Variants in CR1L observed in about 807,000 individuals in gnomAD.
The protein encoded by CR1L is complement component receptor 1-like protein.
In CR1L, 59 loss-of-function variants were observed where a neutral mutation model predicts 62.3. The ratio of observed to expected loss-of-function variants is 0.95; its 90% CI spans 0.77 to 1.18. CR1L has a LOEUF of 1.18. Among genes scored for constraint, CR1L ranks in the 50% most tolerant of loss-of-function variants. The pLI is 0.00. For synonymous variants in CR1L, 279 were observed against 248.7 expected (o/e 1.12, Z -1.15); for missense variants, 700 against 702.8 (o/e 1.00, Z 0.04).
At chr1:207,698,531 G>T (rs1664143252) in intron 7 of CR1L, among the ~76,000 whole-genome samples, 2 of 152,174 alleles carry the variant, frequency 1.3e-5, no homozygotes, top group Non-Finnish European at 2.9e-5. Flanking sequence ...GGGCAACAAA[G>T]CACCTGATCC....
intron 1 of CR1L, among the ~76,000 whole-genome samples, chr1:207,647,971 A>G (rs1309646637): frequency 6.6e-6 from 1 of 152,174 alleles, no homozygotes; most frequent in Non-Finnish European, 1.5e-5. Flanking sequence ...CAGCCTGGGC[A>G]TCATAAGGAG....
intron 10 of CR1L, among the ~76,000 whole-genome samples, chr1:207,717,217 A>G (rs1288145735): frequency 6.6e-6 from 1 of 152,164 alleles, no homozygotes; most frequent in Non-Finnish European, 1.5e-5. Context: ...CAAATTCATT[A>G]TGAACGTAGC....
chr1:207,648,224 G>GA lies in CR1L; in HGVS notation c.97+2908dup, dbSNP rs765424533. On this transcript the variant is annotated intron_variant, in intron 1 of 11. Transcript: ENST00000508064. ...ACACACAGACACACACACACACACA[G>GA]AAAAAAAAAAAAAACCTGGAAGTTG... Among the ~76,000 whole-genome samples, 161 of 100,808 alleles carry GA rather than the reference G, an allele frequency of 1.6e-3. 1 individual carries two copies. Among genetic ancestry groups the GA allele is most frequent in the Middle Eastern group, 5.1e-3 (1 of 198 alleles). 66.1% of individuals were successfully genotyped at this position (100,808 alleles called of 152,430 possible). A position where few individuals can be genotyped will look rare whatever the true frequency, so the allele number is the denominator to read the frequency against.
chr1:207,720,079 A>G (rs1240451643), intron 11 of CR1L, among the ~76,000 whole-genome samples: 2 of 152,212 alleles, frequency 1.3e-5, no homozygotes, highest in East Asian at 3.8e-4. Flanking sequence ...ACATACAAAG[A>G]ATTAGAATGG....
In CR1L at chr1:207,694,529, G is replaced by A. The variant is rs1664042403; in HGVS notation, c.640G>A (p.Val214Met). 1 of 1,613,094 alleles carries A rather than the reference G, an allele frequency of 6.2e-7. No individual in the cohort carries two copies. Among genetic ancestry groups the A allele is most frequent in the African/African-American group, 1.3e-5 (1 of 74,930 alleles). Residue 214 changes from valine to methionine, a missense_variant, in exon 5 of 12, where the codon GTG becomes ATG. Val to Met is a conservative substitution (Grantham distance 21, BLOSUM62 1). Coordinates refer to ENST00000508064, the MANE Select transcript of CR1L (RefSeq NM_175710.2). ...SIYCTSKDDQ[V>M]GIWSGPAPQC... ...ATACTGCACCAGCAAAGATGATCAA[G>A]TGGGCATCTGGAGTGGCCCAGCCCC...
At chr1:207,691,764 A>G (rs532564946) in intron 4 of CR1L, among the ~76,000 whole-genome samples, 1 of 152,346 alleles carries the variant, frequency 6.6e-6, no homozygotes, top group South Asian at 2.1e-4. Context: ...TACCCAAACT[A>G]TTAATATTTA....
chr1:207,703,953 C>CA (rs974875432), intron 9 of CR1L, among the ~76,000 whole-genome samples: 38 of 132,482 alleles, frequency 2.9e-4, no homozygotes, highest in African/African-American at 9.2e-4. Context: ...GACTTCAACT[C>CA]AAAAAAAAGA....
chr1:207,676,201 C>G (rs1395505790), intron 1 of CR1L, among the ~76,000 whole-genome samples: 2 of 152,114 alleles, frequency 1.3e-5, no homozygotes, highest in African/African-American at 4.8e-5. Context: ...ATATAAATAG[C>G]TTAGTTTTCT....
chr1:207,655,147 T>C, intron 1 of CR1L: 1 of 474,054 alleles, frequency 2.1e-6, no homozygotes, highest in Non-Finnish European at 4.0e-6. Context: ...ATGTGTCTTA[T>C]TAATTGCTAT....
intron 1 of CR1L, among the ~76,000 whole-genome samples, chr1:207,649,219 G>A (rs981647837): frequency 2.6e-4 from 40 of 152,276 alleles, no homozygotes; most frequent in African/African-American, 9.6e-4. Flanking sequence ...ACCGGCCAGG[G>A]AGGAAGGGTA....
intron 11 of CR1L, among the ~76,000 whole-genome samples, chr1:207,721,383 C>G (rs1261840508): frequency 1.4e-5 from 2 of 142,670 alleles, no homozygotes; most frequent in African/African-American, 5.2e-5. Flanking sequence ...TGATATTCCC[C>G]TTCCGTGTCC....
At chr1:207,650,127 T>A (rs993466855) in intron 1 of CR1L, among the ~76,000 whole-genome samples, 1 of 152,058 alleles carries the variant, frequency 6.6e-6, no homozygotes. Flanking sequence ...CAATTGAATA[T>A]GTAGTTTTGG....
chr1:207,655,449 A>G (rs570702452), intron 1 of CR1L, among the ~76,000 whole-genome samples: 2 of 152,252 alleles, frequency 1.3e-5, no homozygotes, highest in South Asian at 4.1e-4. Context: ...GAGATTTTTT[A>G]AATAAGTATT....
chr1:207,655,168 A>G, intron 1 of CR1L: 1 of 561,642 alleles, frequency 1.8e-6, no homozygotes, highest in South Asian at 1.8e-5. Flanking sequence ...ACAAAACAGT[A>G]ACCCTTTCTT....
At chr1:207,694,329 T>G (rs1223830048) in intron 4 of CR1L, 24 bp from the exon 5 acceptor site, 2 of 1,613,102 alleles carry the variant, frequency 1.2e-6, no homozygotes, top group East Asian at 4.5e-5. Flanking sequence ...ATTATTTAAA[T>G]TGACTGTGCT....
At chr1:207,712,438 A>G (rs1558025978) in intron 10 of CR1L, among the ~76,000 whole-genome samples, 1 of 152,178 alleles carries the variant, frequency 6.6e-6, no homozygotes, top group Non-Finnish European at 1.5e-5. Context: ...TCTACCTTTT[A>G]CTAACTATGA....
intron 3 of CR1L, among the ~76,000 whole-genome samples, chr1:207,683,414 G>A (rs190968924): frequency 1.1e-4 from 16 of 152,202 alleles, no homozygotes; most frequent in African/African-American, 3.9e-4. Context: ...TGGGATTACA[G>A]GCGTGAGCCA....
At position 207,710,586 on chromosome 1, in the gene CR1L, A is replaced by C; in HGVS notation, c.1414+2323A>C. The C allele has an allele frequency of 3.1e-6, 5 of 1,610,220 alleles. No homozygotes were observed. In the East Asian group the frequency reaches 1.1e-4, roughly 36 times the overall value. ...GTCGTCTGGAGCGGCCCAGTCCCTC[A>C]GTGCATTATACCTAACAAATGCACA... On this transcript the variant is annotated intron_variant, in intron 10 of 11. Transcript: ENST00000508064.
chr1:207,701,471 A>G, intron 8 of CR1L, 48 bp from the exon 9 acceptor site: 1 of 1,607,264 alleles, frequency 6.2e-7, no homozygotes, highest in East Asian at 2.2e-5. Context: ...CGTACTGAAG[A>G]GAGTTCAGAT....
Sources: allele counts gnomAD v4.1 joint callset (sites outside exome capture counted in the v4.1 genomes callset), GRCh38; gene constraint gnomAD v4.1.1; transcripts MANE v1.5; gene names NCBI Gene and HGNC (gene_info 2026-07-23, HGNC 2026-07-21).